PCDHGA12: variants seen among roughly 807,000 people sequenced by gnomAD.
PCDHGA12 encodes the protein protocadherin gamma-A12.
PCDHGA12 carries 43 observed loss-of-function variants against 61.1 expected under a neutral mutation model. The ratio of observed to expected loss-of-function variants is 0.70; its 90% CI spans 0.55 to 0.91. The LOEUF (loss-of-function observed/expected upper bound fraction) is 0.91. Ranked by LOEUF, PCDHGA12 falls within the 40% of genes least tolerant of loss-of-function variation. The pLI is 0.00. For missense variants in PCDHGA12, 1,236 were observed against 1,227.7 expected (o/e 1.01, Z -0.10); for synonymous variants, 520 against 542.9 (o/e 0.96, Z 0.59).
In PCDHGA12 at chr5:141,491,908, G is replaced by T; in HGVS notation, c.2425-2899G>T. ...GGGGCTCCGAGCACCGGGGGTGGTG[G>T]CGACTGTGGGCGAGGGGAGGTGGGA... On this transcript the variant is annotated intron_variant, in intron 1 of 3. Transcript: ENST00000252085. The surrounding 1 kb of genome is among the most constrained non-coding windows in gnomAD (Gnocchi z 6.9). 7.1e-7 allele frequency: 1 copy of T among 1,408,288 alleles called. No homozygotes were observed. Among genetic ancestry groups the T allele is most frequent in the Non-Finnish European group, 9.4e-7 (1 of 1,060,836 alleles). The allele number at this position is 1,408,288 out of a possible 1,614,324, so 87.2% of individuals were successfully genotyped here. A position where few individuals can be genotyped will look rare whatever the true frequency, so the allele number is the denominator to read the frequency against.
rs1254986724 is a variant in PCDHGA12, at chr5:141,490,928, C to G, written c.2425-3879C>G. ...CTAGACGAGAATGATAATGCCCCAGCTGTGCTGCACCCACGGCCAGACTGG... is the reference window on the plus strand; with the variant it reads ...CTAGACGAGAATGATAATGCCCCAGGTGTGCTGCACCCACGGCCAGACTGG... On this transcript the variant is annotated intron_variant, in intron 1 of 3. Transcript: ENST00000252085. The surrounding 1 kb of genome is among the most constrained non-coding windows in gnomAD (Gnocchi z 5.4). 2 of 1,613,466 alleles carry G rather than the reference C, an allele frequency of 1.2e-6. No homozygotes were observed. Among genetic ancestry groups the G allele is most frequent in the Non-Finnish European group, 1.7e-6 (2 of 1,179,624 alleles).
At chr5:141,463,438 CTTTTTTTTTTTTT>C (rs71576115) in intron 1 of PCDHGA12, among the ~76,000 whole-genome samples, 4 of 103,254 alleles carry the variant, frequency 3.9e-5, no homozygotes, top group South Asian at 3.2e-4. Flanking sequence ...TTTCCTTCTC[CTTTTTTTTTTTTT>C]TTTTTTTTTT....
Position 141,510,964 on chromosome 5 carries a change from T to C in PCDHGA12, c.2590T>C (p.Ser864Pro), listed in dbSNP as rs1237904575. 6.2e-7 allele frequency: 1 copy of C among 1,614,084 alleles called. No individual in the cohort carries two copies. Among genetic ancestry groups the C allele is most frequent in the South Asian group, 1.1e-5 (1 of 91,082 alleles). The change falls in exon 4 of 4, where the codon TCC becomes CCC. Residue 864 changes from serine to proline, a missense_variant. Coordinates refer to ENST00000252085, the MANE Select transcript of PCDHGA12 (RefSeq NM_003735.3). ...CTCTGCAGAAGCTGCTGATGGGAGC[T>C]CCACCCTGGGAGGGGGTGCCGGCAC... is the stretch of plus-strand genomic sequence containing the variant. The part of the protein sequence containing the change: ...ASASEAADGS[S>P]TLGGGAGTMG...
intron 1 of PCDHGA12, chr5:141,478,323 G>T (rs1234175290): frequency 1.2e-6 from 2 of 1,613,958 alleles, no homozygotes; most frequent in African/African-American, 2.7e-5. Context: ...TCACTGTACC[G>T]AACACCAGGG....
intron 1 of PCDHGA12, chr5:141,478,636 T>G: frequency 1.3e-6 from 2 of 1,552,744 alleles, no homozygotes; most frequent in South Asian, 2.4e-5. Flanking sequence ...TTTTTAGTGA[T>G]GAAGATGTTT....
At chr5:141,453,807 A>G (rs752553367) in intron 1 of PCDHGA12, among the ~76,000 whole-genome samples, 3 of 152,250 alleles carry the variant, frequency 2.0e-5, no homozygotes, top group Non-Finnish European at 4.4e-5. Flanking sequence ...GAGTAGTTCC[A>G]TAAAGGACAA....
intron 1 of PCDHGA12, among the ~76,000 whole-genome samples, chr5:141,463,073 C>G (rs911706393): frequency 6.6e-6 from 1 of 152,110 alleles, no homozygotes; most frequent in African/African-American, 2.4e-5. Flanking sequence ...AAATGAAATT[C>G]AAACATTTTC....
rs758515649 is a variant in PCDHGA12 at position 141,432,368 on chromosome 5, A to G, written c.1609A>G (p.Asn537Asp). Residue 537 changes from asparagine to aspartate, a missense_variant, in exon 1 of 4, where the codon AAC becomes GAC. Physicochemically the swap from Asn to Asp is conservative, Grantham distance 23. Coordinates refer to ENST00000252085, the MANE Select transcript of PCDHGA12 (RefSeq NM_003735.3). This position sits in a 1 kb window ranked among gnomAD's most constrained non-coding sequence, Gnocchi z 6.0. ...GCAAGTGAAAGTGATGGCGCGGGAC[A>G]ACGGGCACCCGCCCCTCAGCAGCAA... Reference protein sequence around the residue: ...DLQVKVMARDNGHPPLSSNVS... With the variant: ...DLQVKVMARDDGHPPLSSNVS... 1.2e-6 allele frequency: 2 copies of G among 1,614,110 alleles called. No homozygotes were observed. Among genetic ancestry groups the G allele is most frequent in the Non-Finnish European group, 1.7e-6 (2 of 1,180,054 alleles).
At chr5:141,471,637 T>C (rs1284100810) in intron 1 of PCDHGA12, 2 of 152,198 alleles carry the variant, frequency 1.3e-5, no homozygotes, top group Non-Finnish European at 2.9e-5. Context: ...TATGGATTAG[T>C]AATATACTGG....
In PCDHGA12 at chr5:141,453,101, TTTTTG is replaced by T. The variant is rs879618609; in HGVS notation, c.2424+19943_2424+19947del. ...GTTGATTAGTATATTTTCTGTTGCT[TTTTTG>T]TTTTGTTTTGTTTTGTTTTGTTTTT... On this transcript the variant is annotated intron_variant, in intron 1 of 3. Transcript: ENST00000252085. 4.4e-4 allele frequency among the ~76,000 whole-genome samples: 67 copies of T among 152,130 alleles called. 1 individual carries two copies. Among genetic ancestry groups the T allele is most frequent in the African/African-American group, 1.4e-3 (58 of 41,484 alleles).
At chr5:141,469,552 C>T (rs956606902) in intron 1 of PCDHGA12, among the ~76,000 whole-genome samples, 3 of 151,910 alleles carry the variant, frequency 2.0e-5, no homozygotes, top group Non-Finnish European at 4.4e-5. Flanking sequence ...TCCAGCCTGG[C>T]GACAGAGTGA....
rs1203945578 is a variant in PCDHGA12 at position 141,512,055 on chromosome 5, T to G, written c.*882T>G. 6.5e-6 allele frequency: 1 copy of G among 152,698 alleles called. No homozygotes were observed. The highest frequency in any genetic ancestry group is 1.5e-5 in the Non-Finnish European group (1 of 68,092). 9.5% of individuals were successfully genotyped at this position (152,698 alleles called of 1,614,324 possible). The stretch of plus-strand genomic sequence containing the variant: ...GAGGCTCTGTATGTCCTCAGGGGAC[T>G]GACAACATCCTCCAGATTCCAGCCA... On this transcript the variant is annotated 3_prime_UTR_variant, in exon 4 of 4. Transcript: ENST00000252085.
intron 3 of PCDHGA12, among the ~76,000 whole-genome samples, chr5:141,508,620 G>A (rs1017391751): frequency 2.0e-5 from 3 of 152,070 alleles, no homozygotes; most frequent in East Asian, 1.9e-4. Context: ...GACGTGGGTG[G>A]GCCGAGCTTC....
chr5:141,433,993 T>C (rs1367687577), intron 1 of PCDHGA12, among the ~76,000 whole-genome samples: 1 of 152,216 alleles, frequency 6.6e-6, no homozygotes, highest in Admixed American at 6.5e-5. Flanking sequence ...GAGTTTTATA[T>C]TCTCTATATA....
intron 1 of PCDHGA12, among the ~76,000 whole-genome samples, chr5:141,459,619 A>G (rs995987344): frequency 6.6e-6 from 1 of 152,238 alleles, no homozygotes; most frequent in Non-Finnish European, 1.5e-5. Context: ...TTAACTTTAT[A>G]AGAAGCTGCC....
chr5:141,507,661 C>T (rs1328943034), intron 3 of PCDHGA12, among the ~76,000 whole-genome samples: 1 of 152,236 alleles, frequency 6.6e-6, no homozygotes, highest in Non-Finnish European at 1.5e-5. Context: ...GCTTTTTAGC[C>T]TAAATCCAGA....
intron 1 of PCDHGA12, among the ~76,000 whole-genome samples, chr5:141,445,740 A>T (rs993128906): frequency 2.6e-5 from 4 of 152,226 alleles, no homozygotes; most frequent in Admixed American, 1.3e-4. Flanking sequence ...AGATCTTTTT[A>T]AAAAATAAAA....
Position 141,489,276 on chromosome 5 carries a change from A to G in PCDHGA12, c.2425-5531A>G. 6.4e-7 allele frequency: 1 copy of G among 1,556,122 alleles called. No homozygotes were observed. Among genetic ancestry groups the G allele is most frequent in the Non-Finnish European group, 8.7e-7 (1 of 1,151,562 alleles). On this transcript the variant is annotated intron_variant, in intron 1 of 3. Coordinates refer to ENST00000252085, the MANE Select transcript of PCDHGA12 (RefSeq NM_003735.3). The surrounding 1 kb of genome is among the most constrained non-coding windows in gnomAD (Gnocchi z 4.5). ...AGACACTCCCACAGCTCGCTGGGAA[A>G]TGGCAAGTGCTGTGCATGTTGTCCT...
rs1414722237 is a variant in PCDHGA12 at position 141,432,748 on chromosome 5, C to T, written c.1989C>T (p.Ala663=). The change falls in exon 1 of 4, where the codon GCC becomes GCT. Residue 663 remains alanine, a synonymous_variant. Coordinates refer to ENST00000252085, the MANE Select transcript of PCDHGA12 (RefSeq NM_003735.3). The surrounding 1 kb of genome is among the most constrained non-coding windows in gnomAD (Gnocchi z 6.0). ...CCGCCACTGTCACGCTCACCGTGGC[C>T]GTGGCCGACAGCATCCCCCAAGTCC... ...PLSATVTLTV[A]VADSIPQVLA... 1 of 1,614,120 alleles carries T rather than the reference C, an allele frequency of 6.2e-7. No homozygotes were observed. The highest frequency in any genetic ancestry group is 8.5e-7 in the Non-Finnish European group (1 of 1,179,980).
Sources: gnomAD v4.1 joint callset for allele counts (sites outside exome capture counted in the v4.1 genomes callset) on GRCh38, gnomAD v4.1.1 for gene constraint, Gnocchi (gnomAD v3.1) non-coding constraint, MANE v1.5 for transcripts, NCBI Gene and HGNC (gene_info 2026-07-23, HGNC 2026-07-21) for gene names.